KCNIP4: variants seen among roughly 807,000 people sequenced by gnomAD.
KCNIP4 encodes the protein Kv channel-interacting protein 4.
Under a neutral mutation model 34.0 loss-of-function variants are expected in KCNIP4, and 12 were observed. That is an observed-to-expected ratio of 0.35 (90% CI 0.23 to 0.57). The LOEUF (loss-of-function observed/expected upper bound fraction) is 0.57, where lower values mean the gene tolerates loss of function less well. Ranked by LOEUF, KCNIP4 falls within the 20% of genes least tolerant of loss-of-function variation. KCNIP4 has a pLI of 0.83. For missense variants in KCNIP4, 238 were observed against 311.7 expected (o/e 0.76, Z 1.78); for synonymous variants, 124 against 102.2 (o/e 1.21, Z -1.29).
At chr4:21,246,887 C>T (rs1760245067) in intron 1 of KCNIP4, among the ~76,000 whole-genome samples, 1 of 152,302 alleles carries the variant, frequency 6.6e-6, no homozygotes, top group Admixed American at 6.5e-5. Context: ...AGACTCTCAA[C>T]TATTATCATT....
At chr4:21,513,134 A>C (rs983982942) in intron 1 of KCNIP4, among the ~76,000 whole-genome samples, 2 of 152,204 alleles carry the variant, frequency 1.3e-5, no homozygotes, top group African/African-American at 4.8e-5. Flanking sequence ...TGGAGAAACA[A>C]AAATGACTAA....
intron 3 of KCNIP4, among the ~76,000 whole-genome samples, chr4:20,831,100 C>T (rs1469257173): frequency 6.6e-6 from 1 of 152,056 alleles, no homozygotes; most frequent in Non-Finnish European, 1.5e-5. Context: ...TTACTTTTTC[C>T]ATAAAACCTA....
intron 1 of KCNIP4, among the ~76,000 whole-genome samples, chr4:21,248,126 G>C (rs1376127366): frequency 6.6e-6 from 1 of 151,196 alleles, no homozygotes; most frequent in African/African-American, 2.4e-5. Context: ...TAATATAAGT[G>C]GTAAGGGCCC....
At chr4:21,683,896 G>A (rs1386196297) in intron 1 of KCNIP4, among the ~76,000 whole-genome samples, 1 of 152,034 alleles carries the variant, frequency 6.6e-6, no homozygotes, top group Non-Finnish European at 1.5e-5. Context: ...GACTGTACGT[G>A]TTCTCACTTC....
chr4:20,732,023 T>C lies in KCNIP4; in HGVS notation c.688A>G (p.Ile230Val), dbSNP rs1284945469. ...KDGVVTIDEF[I>V]ESCQKDENIM... ...TTACTTACTTTTTGGCAGCTTTCAATGAACTCATCTATGGTAACAACCCCA... is the reference window on the plus strand; with the variant it reads ...TTACTTACTTTTTGGCAGCTTTCAACGAACTCATCTATGGTAACAACCCCA... The change falls in exon 8 of 9, where the codon ATT becomes GTT. Residue 230 changes from isoleucine (I) to valine (V), a missense_variant. Ile to Val is a conservative substitution (Grantham distance 29, BLOSUM62 3). Transcript: ENST00000382152. 1.9e-6 allele frequency: 3 copies of C among 1,613,490 alleles called. No individual in the cohort carries two copies. Among genetic ancestry groups the C allele is most frequent in the Admixed American group, 1.7e-5 (1 of 59,942 alleles).
intron 1 of KCNIP4, among the ~76,000 whole-genome samples, chr4:21,820,281 G>GTTTATATATATATA (rs1485869715): frequency 5.6e-5 from 1 of 17,910 alleles, no homozygotes; most frequent in African/African-American, 1.7e-4. Context: ...GTATGTGTGT[G>GTTTATATATATATA]TGTGTATATA....
intron 1 of KCNIP4, among the ~76,000 whole-genome samples, chr4:21,833,012 C>T (rs1420172193): frequency 6.8e-6 from 1 of 146,490 alleles, no homozygotes; most frequent in Non-Finnish European, 1.5e-5. Context: ...TGGGTTGGTT[C>T]CAAGTCTTTG....
intron 1 of KCNIP4, among the ~76,000 whole-genome samples, chr4:20,974,429 A>G (rs1735283249): frequency 6.7e-6 from 1 of 150,192 alleles, no homozygotes; most frequent in African/African-American, 2.5e-5. Context: ...TTTCACTTAA[A>G]GCTGAAATGG....
chr4:21,142,914 A>G (rs1487388890), intron 1 of KCNIP4, among the ~76,000 whole-genome samples: 1 of 152,170 alleles, frequency 6.6e-6, no homozygotes, highest in Admixed American at 6.6e-5. Context: ...TATTCTTACT[A>G]TGTTTAGTTC....
chr4:20,999,154 C>A (rs1737832575), intron 1 of KCNIP4, among the ~76,000 whole-genome samples: 2 of 152,074 alleles, frequency 1.3e-5, no homozygotes, highest in African/African-American at 4.8e-5. Context: ...CAGGGTCAGA[C>A]AAAGATAGGA....
At chr4:21,886,825 T>TCTC (rs397812145) in intron 1 of KCNIP4, among the ~76,000 whole-genome samples, 9 of 149,602 alleles carry the variant, frequency 6.0e-5, no homozygotes, top group East Asian at 2.0e-4. Flanking sequence ...AAGCTCTTCT[T>TCTC]TTTATTTTTC....
chr4:21,279,680 G>A (rs535559922), intron 1 of KCNIP4, among the ~76,000 whole-genome samples: 8 of 151,900 alleles, frequency 5.3e-5, no homozygotes, highest in African/African-American at 1.9e-4. Context: ...TACATCAGTG[G>A]ACACAGTAGA....
chr4:21,693,752 A>C (rs749427561), intron 1 of KCNIP4, among the ~76,000 whole-genome samples: 6 of 152,110 alleles, frequency 3.9e-5, no homozygotes, highest in Non-Finnish European at 7.4e-5. Flanking sequence ...TGGAATGATG[A>C]ATTCTTACCT....
chr4:21,867,760 T>G (rs1725519586), intron 1 of KCNIP4, among the ~76,000 whole-genome samples: 1 of 152,198 alleles, frequency 6.6e-6, no homozygotes, highest in Non-Finnish European at 1.5e-5. Flanking sequence ...TCCCTCAAAT[T>G]TAATAACATA....
At chr4:21,484,734 G>A (rs530062316) in intron 1 of KCNIP4, among the ~76,000 whole-genome samples, 2 of 152,202 alleles carry the variant, frequency 1.3e-5, no homozygotes, top group South Asian at 4.1e-4. Flanking sequence ...GCCCAACTTG[G>A]CACATACAAC....
chr4:21,081,496 T>A lies in KCNIP4; in HGVS notation c.62-198787A>T, dbSNP rs955206906. Among the ~76,000 whole-genome samples, 9 of 151,820 alleles carry A rather than the reference T, an allele frequency of 5.9e-5. 1 individual carries two copies. Among genetic ancestry groups the A allele is most frequent in the African/African-American group, 2.2e-4 (9 of 41,268 alleles). On this transcript the variant is annotated intron_variant, in intron 1 of 8. Coordinates refer to ENST00000382152, the MANE Select transcript of KCNIP4 (RefSeq NM_025221.6). ...TTAACTTCGGTAGTATGTTTTAAAA[T>A]TAACCTCAAAACGGCCCCAAATTTT...
At chr4:21,446,416 C>T (rs1011001612) in intron 1 of KCNIP4, among the ~76,000 whole-genome samples, 1 of 151,918 alleles carries the variant, frequency 6.6e-6, no homozygotes, top group African/African-American at 2.4e-5. Flanking sequence ...AAATGTGGCA[C>T]ATATACACCA....
chr4:20,957,167 G>T (rs1318381779), intron 1 of KCNIP4, among the ~76,000 whole-genome samples: 1 of 152,170 alleles, frequency 6.6e-6, no homozygotes, highest in Non-Finnish European at 1.5e-5. Flanking sequence ...TTAAGTAAAA[G>T]ACCAAGAACG....
intron 1 of KCNIP4, among the ~76,000 whole-genome samples, chr4:21,661,939 G>A (rs910596030): frequency 1.6e-4 from 25 of 152,296 alleles, no homozygotes; most frequent in African/African-American, 5.8e-4. Flanking sequence ...ATATAAGGCA[G>A]TTTTCTCGCT....
Sources: allele counts gnomAD v4.1 joint callset (sites outside exome capture counted in the v4.1 genomes callset), GRCh38; gene constraint gnomAD v4.1.1; transcripts MANE v1.5; gene names NCBI Gene and HGNC (gene_info 2026-07-23, HGNC 2026-07-21).